The following CDC14A variants were observed in gnomAD, a reference collection of about 807,000 sequenced individuals.
CDC14A encodes the protein cell division cycle 14A.
Under a neutral mutation model 74.4 loss-of-function variants are expected in CDC14A, and 53 were observed. The observed-to-expected ratio is 0.71, with a 90% confidence interval of 0.57 to 0.89. CDC14A has a LOEUF of 0.89. Among genes scored for constraint, CDC14A ranks in the 40% least tolerant of loss-of-function variants. CDC14A has a pLI of 0.00. For missense variants in CDC14A, 646 were observed against 713.7 expected, an observed-to-expected ratio of 0.91 and a Z score of 1.08; for synonymous variants, 247 against 258.4, an observed-to-expected ratio of 0.96 and a Z score of 0.43.
At chr1:100,401,866 C>T (rs1296903682) in intron 4 of CDC14A, among the ~76,000 whole-genome samples, 9 of 151,876 alleles carry the variant, frequency 5.9e-5, no homozygotes, top group Admixed American at 5.2e-4. Flanking sequence ...GGGAGAAACC[C>T]CGTCTGTACT....
upstream of CDC14A, among the ~76,000 whole-genome samples, chr1:100,347,955 T>G (rs1399225055): frequency 6.6e-6 from 1 of 152,188 alleles, no homozygotes; most frequent in Non-Finnish European, 1.5e-5. Flanking sequence ...TTTGACAATC[T>G]TGAGCTCATT....
intron 7 of CDC14A, among the ~76,000 whole-genome samples, chr1:100,454,603 G>A (rs1178537367): frequency 5.9e-5 from 9 of 152,142 alleles, no homozygotes; most frequent in Non-Finnish European, 8.8e-5. Flanking sequence ...ATCTCTTAGC[G>A]TGTTTAGACT....
At chr1:100,492,280 T>A (rs1485026792) in intron 11 of CDC14A, among the ~76,000 whole-genome samples, 1 of 152,198 alleles carries the variant, frequency 6.6e-6, no homozygotes, top group Non-Finnish European at 1.5e-5. Context: ...TTAAAAAATA[T>A]CAACAAGCGT....
chr1:100,501,556 T>G (rs1648732824), intron 15 of CDC14A, among the ~76,000 whole-genome samples: 1 of 152,214 alleles, frequency 6.6e-6, no homozygotes. Flanking sequence ...AGCAATACAA[T>G]TATGTACAGT....
intron 10 of CDC14A, among the ~76,000 whole-genome samples, chr1:100,476,698 G>T (rs1232291037): frequency 6.6e-6 from 1 of 151,660 alleles, no homozygotes; most frequent in Non-Finnish European, 1.5e-5. Flanking sequence ...TTCCAGAAAT[G>T]GTGTTATTGC....
At chr1:100,355,605 G>C (rs1651769002) in intron 2 of CDC14A, among the ~76,000 whole-genome samples, 1 of 152,164 alleles carries the variant, frequency 6.6e-6, no homozygotes, top group African/African-American at 2.4e-5. Context: ...TTGTGAGTTG[G>C]GATTGACATT....
upstream of CDC14A, among the ~76,000 whole-genome samples, chr1:100,352,250 G>C (rs1651144579): frequency 6.6e-6 from 1 of 152,208 alleles, no homozygotes; most frequent in Non-Finnish European, 1.5e-5. Flanking sequence ...CCCCTGGGCC[G>C]AGGGCCCCGT....
chr1:100,495,321 A>G (rs1329536142), intron 12 of CDC14A, among the ~76,000 whole-genome samples: 1 of 152,258 alleles, frequency 6.6e-6, no homozygotes, highest in Non-Finnish European at 1.5e-5. Context: ...AGTCTCTGGC[A>G]ATCTAAGCTA....
chr1:100,345,047 T>C (rs1036533455), exon 1 of CDC14A: 1 of 152,142 alleles, frequency 6.6e-6, no homozygotes, highest in African/African-American at 2.4e-5. Flanking sequence ...TAGGAATCCA[T>C]TGAGGATGCC....
chr1:100,401,206 G>A (rs1659214564), intron 4 of CDC14A, among the ~76,000 whole-genome samples: 1 of 152,086 alleles, frequency 6.6e-6, no homozygotes, highest in African/African-American at 2.4e-5. Flanking sequence ...TTTAGCACTT[G>A]AAATTATTTA....
At chr1:100,351,777 T>C (rs972300767), upstream of CDC14A, 3 of 1,550,560 alleles carry the variant, frequency 1.9e-6, no homozygotes, top group Non-Finnish European at 2.6e-6. Context: ...TTTTGTCCCG[T>C]GAGAACAAAG....
At chr1:100,408,088 C>T (rs1246083764) in intron 4 of CDC14A, among the ~76,000 whole-genome samples, 1 of 152,064 alleles carries the variant, frequency 6.6e-6, no homozygotes, top group East Asian at 1.9e-4. Context: ...CCCAAGTTGG[C>T]CCAAGTGTTT....
intron 4 of CDC14A, among the ~76,000 whole-genome samples, chr1:100,412,889 G>C (rs996284295): frequency 1.4e-5 from 2 of 147,698 alleles, no homozygotes; most frequent in Non-Finnish European, 3.0e-5. Context: ...AAGTATGTAG[G>C]GAACATGTTT....
intron 3 of CDC14A, among the ~76,000 whole-genome samples, chr1:100,379,543 A>G (rs897581078): frequency 1.3e-5 from 2 of 152,230 alleles, no homozygotes; most frequent in African/African-American, 4.8e-5. Flanking sequence ...ACCAGTCCAA[A>G]GTTGGAATTG....
In CDC14A at chr1:100,499,282, C is replaced by T. The variant is rs1252516734; in HGVS notation, c.1755+20C>T. On this transcript the variant is annotated intron_variant, in intron 15 of 15. Coordinates refer to ENST00000336454, the MANE Select transcript of CDC14A (RefSeq NM_003672.4). Reference sequence around the variant, plus strand: ...ATCCCTGTAAGTGCGCAGACACCACCTCCTGGTCCTCAGAACCCTGAATGC... The same window carrying T: ...ATCCCTGTAAGTGCGCAGACACCACTTCCTGGTCCTCAGAACCCTGAATGC... 2 of 1,614,196 alleles carry T rather than the reference C, an allele frequency of 1.2e-6. No homozygotes were observed. The highest frequency in any genetic ancestry group is 2.2e-5 in the South Asian group (2 of 91,080).
intron 15 of CDC14A, among the ~76,000 whole-genome samples, chr1:100,515,367 T>G (rs985029533): frequency 2.6e-5 from 4 of 152,162 alleles, no homozygotes; most frequent in African/African-American, 9.6e-5. Context: ...TCTTCTCCCC[T>G]TAGTGCATTT....
At position 100,519,248 on chromosome 1, in the gene CDC14A, GA is replaced by G. The variant is rs1358637195; in HGVS notation, c.*973del. The G allele has an allele frequency of 2.0e-5, 3 of 152,002 alleles. No individual in the cohort carries two copies. Among genetic ancestry groups the G allele is most frequent in the African/African-American group, 7.2e-5 (3 of 41,394 alleles). The allele number at this position is 152,002 out of a possible 1,614,324, so 9.4% of individuals were successfully genotyped here. Reference sequence around the variant, plus strand: ...TTTAAATCAATGGAGAGAAAAAACTGAAAAAGATGCTGCTAAGTAGTTCTCT... The same window carrying G: ...TTTAAATCAATGGAGAGAAAAAACTGAAAAGATGCTGCTAAGTAGTTCTCT... On this transcript the variant is annotated 3_prime_UTR_variant, in exon 16 of 16. Coordinates refer to ENST00000336454, the MANE Select transcript of CDC14A (RefSeq NM_003672.4).
intron 15 of CDC14A, among the ~76,000 whole-genome samples, chr1:100,499,627 G>T (rs1648469208): frequency 6.6e-6 from 1 of 152,176 alleles, no homozygotes; most frequent in Non-Finnish European, 1.5e-5. Flanking sequence ...TAAGCCAGGA[G>T]CTGATTCATA....
chr1:100,368,794 C>T (rs1024330941), intron 2 of CDC14A, among the ~76,000 whole-genome samples: 5 of 152,078 alleles, frequency 3.3e-5, no homozygotes, highest in South Asian at 2.1e-4. Context: ...TCTTTTTGTC[C>T]GTGAGTAGTC....
Sources: allele counts gnomAD v4.1 joint callset (sites outside exome capture counted in the v4.1 genomes callset), GRCh38; gene constraint gnomAD v4.1.1; transcripts MANE v1.5; gene names NCBI Gene and HGNC (gene_info 2026-07-23, HGNC 2026-07-21).